Variants in TFDP2 observed in about 807,000 individuals in gnomAD.
TFDP2 encodes the protein transcription factor Dp-2 (E2F dimerization partner 2).
TFDP2 carries 17 observed loss-of-function variants against 59.3 expected under a neutral mutation model. That is an observed-to-expected ratio of 0.29 (90% CI 0.20 to 0.43). TFDP2 has a LOEUF of 0.43. Among genes scored for constraint, TFDP2 ranks in the 20% least tolerant of loss-of-function variants. The pLI is 1.00. For synonymous variants in TFDP2, 180 were observed against 194.7 expected (o/e 0.92, Z 0.63); for missense variants, 391 against 528.8 (o/e 0.74, Z 2.56).
At position 142,133,163 on chromosome 3, in the gene TFDP2, G is replaced by A. The variant is rs553838032; in HGVS notation, c.-93+16020C>T. ...TGAATAGACAAATTCATCAAGCTGT[G>A]TAATTATAATACTATATGTATAACT... On this transcript the variant is annotated intron_variant, in intron 1 of 12. Coordinates refer to ENST00000489671, the MANE Select transcript of TFDP2 (RefSeq NM_001178139.2). 1.1e-4 allele frequency among the ~76,000 whole-genome samples: 16 copies of A among 150,322 alleles called. 4 individuals are homozygous for A. Among genetic ancestry groups the A allele is most frequent in the African/African-American group, 4.0e-4 (16 of 39,840 alleles).
chr3:142,093,184 T>G, intron 2 of TFDP2, 57 bp from the exon 3 acceptor site: 4 of 1,203,858 alleles, frequency 3.3e-6, no homozygotes, highest in Non-Finnish European at 4.6e-6. Flanking sequence ...TGTGTTCACT[T>G]AACAAGCTAT....
intron 3 of TFDP2, among the ~76,000 whole-genome samples, chr3:142,079,913 A>G (rs1428707956): frequency 6.6e-6 from 1 of 152,200 alleles, no homozygotes; most frequent in African/African-American, 2.4e-5. Flanking sequence ...TCAATCTAAA[A>G]GAAAAGGATG....
chr3:142,100,468 G>C (rs1344578274), intron 2 of TFDP2, among the ~76,000 whole-genome samples: 3 of 152,174 alleles, frequency 2.0e-5, no homozygotes, highest in African/African-American at 7.2e-5. Context: ...CGCCTCCCGG[G>C]TTCAAGGGAT....
intron 2 of TFDP2, among the ~76,000 whole-genome samples, chr3:142,098,043 G>C (rs2061217329): frequency 1.3e-5 from 2 of 152,022 alleles, no homozygotes; most frequent in Admixed American, 6.6e-5. Flanking sequence ...CGCCTGCCTT[G>C]GCCTCCCAAA....
chr3:142,011,305 T>C lies in TFDP2; in HGVS notation c.83-5761A>G, dbSNP rs1277760309. On this transcript the variant is annotated intron_variant, in intron 3 of 12. Transcript: ENST00000489671. ...GTCCTTTGTAGGGACATGGATGAAA[T>C]TGGAAATCATCATTCTCAGTAAACT... 7.8e-5 allele frequency among the ~76,000 whole-genome samples: 9 copies of C among 116,096 alleles called. 1 individual carries two copies. Among genetic ancestry groups the C allele is most frequent in the Admixed American group, 9.2e-5 (1 of 10,900 alleles). 76.2% of individuals were successfully genotyped at this position (116,096 alleles called of 152,430 possible). A position where few individuals can be genotyped will look rare whatever the true frequency, so the allele number is the denominator to read the frequency against.
At chr3:141,960,098 AGAG>A (rs1346689668) in intron 10 of TFDP2, among the ~76,000 whole-genome samples, 1 of 152,244 alleles carries the variant, frequency 6.6e-6, no homozygotes, top group African/African-American at 2.4e-5. Context: ...TGTTACAAAC[AGAG>A]GATAGAAATT....
intron 3 of TFDP2, among the ~76,000 whole-genome samples, chr3:142,026,037 C>T (rs1043365161): frequency 6.6e-6 from 1 of 152,186 alleles, no homozygotes; most frequent in South Asian, 2.1e-4. Context: ...TTCTGGCCGG[C>T]GCAGTGGCTC....
At position 142,079,475 on chromosome 3, in the gene TFDP2, T is replaced by C. The variant is rs184870423; in HGVS notation, c.82+13586A>G. Among the ~76,000 whole-genome samples the C allele has an allele frequency of 3.3e-5, 5 of 152,256 alleles. No individual in the cohort carries two copies. In the East Asian group the frequency reaches 9.7e-4, roughly 29 times the overall value. On this transcript the variant is annotated intron_variant, in intron 3 of 12. Coordinates refer to ENST00000489671, the MANE Select transcript of TFDP2 (RefSeq NM_001178139.2). ...AGAAACACATAAGGTAAAAAGTTTA[T>C]TCAAAGAGATAATACCAGCAAAATT...
chr3:141,974,242 G>A, intron 7 of TFDP2, 51 bp from the exon 8 acceptor site: 2 of 1,474,108 alleles, frequency 1.4e-6, no homozygotes, highest in Non-Finnish European at 1.8e-6. Flanking sequence ...TTAAGATACA[G>A]TCACATGATA....
intron 9 of TFDP2, among the ~76,000 whole-genome samples, chr3:141,965,398 G>A (rs1169110731): frequency 1.3e-5 from 2 of 151,570 alleles, no homozygotes; most frequent in African/African-American, 2.4e-5. Context: ...TTGGGAGGCC[G>A]AAGTGGGAAG....
At chr3:142,076,633 T>G (rs1036385957) in intron 3 of TFDP2, among the ~76,000 whole-genome samples, 1 of 152,224 alleles carries the variant, frequency 6.6e-6, no homozygotes, top group Admixed American at 6.5e-5. Context: ...AAACACAAAT[T>G]AATTTTTAAG....
intron 3 of TFDP2, among the ~76,000 whole-genome samples, chr3:142,046,889 C>T (rs1305548300): frequency 3.3e-5 from 5 of 152,132 alleles, no homozygotes; most frequent in African/African-American, 9.7e-5. Context: ...TAAATTCAGG[C>T]TTCCCCATTG....
At chr3:142,147,663 G>T (rs2063222566) in intron 1 of TFDP2, among the ~76,000 whole-genome samples, 1 of 152,124 alleles carries the variant, frequency 6.6e-6, no homozygotes. Context: ...ATTAACAAAT[G>T]TAAGGGCCAC....
chr3:142,101,777 G>A lies in TFDP2; in HGVS notation c.-28C>T. On this transcript the variant is annotated 5_prime_UTR_variant, in exon 2 of 13. The change creates a premature stop within an existing upstream ORF in the 5' untranslated region. Coordinates refer to ENST00000489671, the MANE Select transcript of TFDP2 (RefSeq NM_001178139.2). ...CAAACTGTATTCTATTTAAGATTCT[G>A]TAAAGCCATTAAAAAAATAAAAAGA... 2.4e-6 allele frequency: 3 copies of A among 1,275,230 alleles called. No individual in the cohort carries two copies. The highest frequency in any genetic ancestry group is 2.0e-5 in the South Asian group (1 of 50,126). 79.0% of individuals were successfully genotyped at this position (1,275,230 alleles called of 1,614,324 possible).
At chr3:142,047,463 C>G (rs6791514) in intron 3 of TFDP2, among the ~76,000 whole-genome samples, 114,858 of 151,896 alleles carry the variant, frequency 0.76, 43,472 homozygotes, top group South Asian at 0.81. Flanking sequence ...AGTGAGAATT[C>G]CTAGCAAACA....
At chr3:142,018,566 C>T (rs1945326593) in intron 3 of TFDP2, among the ~76,000 whole-genome samples, 1 of 151,762 alleles carries the variant, frequency 6.6e-6, no homozygotes, top group Non-Finnish European at 1.5e-5. Flanking sequence ...GGGTTCAAGT[C>T]ATCCTTCCCA....
intron 2 of TFDP2, among the ~76,000 whole-genome samples, chr3:142,101,054 A>G (rs542190363): frequency 1.3e-5 from 2 of 152,308 alleles, no homozygotes; most frequent in East Asian, 1.9e-4. Context: ...ACTTTAATAC[A>G]TATAACATTG....
At chr3:142,144,048 A>G (rs2063061054) in intron 1 of TFDP2, among the ~76,000 whole-genome samples, 1 of 132,754 alleles carries the variant, frequency 7.5e-6, no homozygotes, top group Non-Finnish European at 1.8e-5. Flanking sequence ...TGGTACATAC[A>G]TACAATGAAG....
At chr3:142,010,479 T>C (rs1194063246) in intron 3 of TFDP2, among the ~76,000 whole-genome samples, 1 of 151,790 alleles carries the variant, frequency 6.6e-6, no homozygotes, top group Non-Finnish European at 1.5e-5. Flanking sequence ...CATGGTGGCG[T>C]GTGCCTGTAA....
Sources: gnomAD v4.1 joint callset for allele counts (sites outside exome capture counted in the v4.1 genomes callset) on GRCh38, gnomAD v4.1.1 for gene constraint, MANE v1.5 for transcripts, NCBI Gene and HGNC (gene_info 2026-07-23, HGNC 2026-07-21) for gene names.